LSAMP: variants seen among roughly 807,000 people sequenced by gnomAD.
LSAMP encodes the protein limbic system associated membrane protein.
In LSAMP, 7 loss-of-function variants were observed where a neutral mutation model predicts 38.6. The ratio of observed to expected loss-of-function variants is 0.18; its 90% CI spans 0.10 to 0.34. The LOEUF (loss-of-function observed/expected upper bound fraction) is 0.34, where lower values mean the gene tolerates loss of function less well. Among genes scored for constraint, LSAMP ranks in the 10% least tolerant of loss-of-function variants. The pLI is 1.00. For missense variants in LSAMP, 313 were observed against 420.0 expected (o/e 0.75, Z 2.23); for synonymous variants, 154 against 166.8 (o/e 0.92, Z 0.59).
intron 1 of LSAMP, among the ~76,000 whole-genome samples, chr3:116,232,932 C>T (rs944322434): frequency 5.3e-5 from 8 of 151,884 alleles, no homozygotes; most frequent in African/African-American, 1.9e-4. Context: ...AAGAAATTAG[C>T]AAGCCAGGGA....
intron 3 of LSAMP, among the ~76,000 whole-genome samples, chr3:115,930,390 T>C (rs1937562617): frequency 6.6e-6 from 1 of 152,022 alleles, no homozygotes; most frequent in South Asian, 2.1e-4. Context: ...GGAGGGATAG[T>C]AGGAAATTCA....
intron 1 of LSAMP, among the ~76,000 whole-genome samples, chr3:116,097,058 T>A (rs529544755): frequency 6.6e-6 from 1 of 152,354 alleles, no homozygotes; most frequent in East Asian, 1.9e-4. Flanking sequence ...CCTTTGGTTG[T>A]ACCTTTGAAA....
chr3:115,998,547 T>C (rs972281036), intron 3 of LSAMP, among the ~76,000 whole-genome samples: 1 of 152,052 alleles, frequency 6.6e-6, no homozygotes, highest in Non-Finnish European at 1.5e-5. Context: ...ACCCTTGCAT[T>C]GTCCTTGACC....
At chr3:115,898,663 A>G (rs1481433367) in intron 3 of LSAMP, among the ~76,000 whole-genome samples, 2 of 151,542 alleles carry the variant, frequency 1.3e-5, no homozygotes, top group African/African-American at 4.9e-5. Context: ...ACAAGATACA[A>G]TTAGATTGAG....
chr3:116,035,294 T>C (rs753974207), intron 2 of LSAMP, among the ~76,000 whole-genome samples: 1 of 152,192 alleles, frequency 6.6e-6, no homozygotes, highest in African/African-American at 2.4e-5. Context: ...ATTCACACAT[T>C]AAAAACTGTA....
chr3:115,952,094 G>A (rs149706247), intron 3 of LSAMP, among the ~76,000 whole-genome samples: 368 of 152,240 alleles, frequency 2.4e-3, no homozygotes, highest in African/African-American at 8.6e-3. Context: ...GTGGTGAAAA[G>A]GGAACACTTT....
intron 1 of LSAMP, among the ~76,000 whole-genome samples, chr3:116,404,403 T>C (rs1188900996): frequency 1.3e-5 from 2 of 152,138 alleles, no homozygotes; most frequent in Admixed American, 6.6e-5. Context: ...CTGGCTTAAA[T>C]AGATAGTTAT....
intron 1 of LSAMP, among the ~76,000 whole-genome samples, chr3:116,389,232 C>T (rs769004575): frequency 1.1e-4 from 17 of 152,250 alleles, no homozygotes; most frequent in Non-Finnish European, 1.9e-4. Context: ...CAAACACAGG[C>T]TCTCTAGTGT....
At chr3:116,020,533 A>G (rs17697654) in intron 2 of LSAMP, among the ~76,000 whole-genome samples, 10,186 of 152,238 alleles carry the variant, frequency 0.067, 412 homozygotes, top group Non-Finnish European at 0.097. Flanking sequence ...CATAAGCACT[A>G]CTTGAATGAA....
chr3:116,023,029 T>TC (rs1332831954), intron 2 of LSAMP, among the ~76,000 whole-genome samples: 1 of 152,140 alleles, frequency 6.6e-6, no homozygotes, highest in African/African-American at 2.4e-5. Flanking sequence ...AAAAAATTGA[T>TC]CCTCATGTTC....
chr3:115,809,992 C>T lies in LSAMP; in HGVS notation c.*325G>A, dbSNP rs1471585441. The T allele has an allele frequency of 2.0e-5, 4 of 203,978 alleles. 1 individual carries two copies. In the East Asian group the frequency reaches 3.8e-4, roughly 20 times the overall value. The allele number at this position is 203,978 out of a possible 1,614,324, so 12.6% of individuals were successfully genotyped here. A position where few individuals can be genotyped will look rare whatever the true frequency, so the allele number is the denominator to read the frequency against. Reference sequence around the variant, plus strand: ...GGCTTAATATCCATCTGGTTCTTCTCTTATTTTTACAGCATCCAGATGTCC... The same window carrying T: ...GGCTTAATATCCATCTGGTTCTTCTTTTATTTTTACAGCATCCAGATGTCC... On this transcript the variant is annotated 3_prime_UTR_variant, in exon 7 of 7. Coordinates refer to ENST00000490035, the MANE Select transcript of LSAMP (RefSeq NM_002338.5).
chr3:115,849,240 C>T (rs1935254589), intron 4 of LSAMP, among the ~76,000 whole-genome samples: 4 of 152,162 alleles, frequency 2.6e-5, no homozygotes, highest in African/African-American at 9.7e-5. Flanking sequence ...ACTTAGAAAA[C>T]AGATTTTGCA....
intron 2 of LSAMP, among the ~76,000 whole-genome samples, chr3:116,067,578 C>T (rs1314305615): frequency 2.6e-5 from 4 of 152,220 alleles, no homozygotes; most frequent in South Asian, 2.1e-4. Context: ...GGTGAACTGG[C>T]AAATACCCCC....
intron 1 of LSAMP, among the ~76,000 whole-genome samples, chr3:116,243,748 C>G (rs2046569265): frequency 6.6e-6 from 1 of 152,046 alleles, no homozygotes; most frequent in Non-Finnish European, 1.5e-5. Context: ...TGTTACTGAA[C>G]TAAATGTCTA....
intron 1 of LSAMP, among the ~76,000 whole-genome samples, chr3:116,286,872 T>C (rs2107688162): frequency 6.7e-6 from 1 of 149,132 alleles, no homozygotes; most frequent in South Asian, 2.1e-4. Context: ...TCCCATACCA[T>C]GTGTATTATC....
intron 3 of LSAMP, among the ~76,000 whole-genome samples, chr3:115,860,788 T>TCTCC (rs1268671698): frequency 4.6e-5 from 7 of 152,154 alleles, no homozygotes; most frequent in African/African-American, 1.7e-4. Flanking sequence ...AAATAAGTTT[T>TCTCC]CAGGAACTTA....
intron 1 of LSAMP, among the ~76,000 whole-genome samples, chr3:116,383,019 T>C (rs2048581528): frequency 6.6e-6 from 1 of 152,172 alleles, no homozygotes; most frequent in Non-Finnish European, 1.5e-5. Flanking sequence ...TGCCCAGCTA[T>C]CCAGCTATCT....
Position 115,808,582 on chromosome 3 carries a change from A to G in LSAMP, c.*1735T>C, listed in dbSNP as rs1365445337. 1.3e-5 allele frequency: 2 copies of G among 152,210 alleles called. No homozygotes were observed. Among genetic ancestry groups the G allele is most frequent in the South Asian group, 2.1e-4 (1 of 4,828 alleles). 9.4% of individuals were successfully genotyped at this position (152,210 alleles called of 1,614,324 possible). ...TAGATCACATTTCAGTGTTAATGTC[A>G]AGATGACTCTTATAGATGTAAATTT... On this transcript the variant is annotated 3_prime_UTR_variant, in exon 7 of 7. Transcript: ENST00000490035.
At chr3:116,370,463 C>G (rs147958572) in intron 1 of LSAMP, among the ~76,000 whole-genome samples, 53 of 152,228 alleles carry the variant, frequency 3.5e-4, no homozygotes, top group African/African-American at 1.3e-3. Context: ...CCGGGAAAGG[C>G]TTGAAGAGTA....
Sources: gnomAD v4.1 joint callset for allele counts (sites outside exome capture counted in the v4.1 genomes callset) on GRCh38, gnomAD v4.1.1 for gene constraint, MANE v1.5 for transcripts, NCBI Gene and HGNC (gene_info 2026-07-23, HGNC 2026-07-21) for gene names.